The following KALRN variants were observed in gnomAD, a reference collection of about 807,000 sequenced individuals.
KALRN encodes the protein kalirin RhoGEF kinase, also known as kalirin.
In KALRN, 70 loss-of-function variants were observed where a neutral mutation model predicts 353.7. That is an observed-to-expected ratio of 0.20 (90% confidence interval 0.16 to 0.24). KALRN has a LOEUF of 0.24. Ranked by LOEUF, KALRN falls within the 10% of genes least tolerant of loss-of-function variation. The pLI is 1.00. For missense variants in KALRN, 2,791 were observed against 3,756.7 expected, an observed-to-expected ratio of 0.74 and a Z score of 6.72; for synonymous variants, 1,391 against 1,434.8, an observed-to-expected ratio of 0.97 and a Z score of 0.69.
chr3:124,380,689 C>T (rs939337119), intron 10 of KALRN, among the ~76,000 whole-genome samples: 17 of 152,182 alleles, frequency 1.1e-4, no homozygotes, highest in African/African-American at 3.9e-4. Context: ...TTGATTTGGT[C>T]AGAAAGTGAG....
At chr3:124,124,902 A>C (rs1300727192) in intron 1 of KALRN, among the ~76,000 whole-genome samples, 2 of 152,210 alleles carry the variant, frequency 1.3e-5, no homozygotes, top group Non-Finnish European at 2.9e-5. Flanking sequence ...GAAAACAAAA[A>C]ATTCATGTGA....
chr3:124,224,241 T>A (rs2078240286), intron 1 of KALRN, among the ~76,000 whole-genome samples: 1 of 151,326 alleles, frequency 6.6e-6, no homozygotes, highest in African/African-American at 2.4e-5. Flanking sequence ...TTTTTTTTTT[T>A]AGATGGAAAC....
At chr3:124,371,776 A>G (rs975929595) in intron 10 of KALRN, among the ~76,000 whole-genome samples, 1 of 152,212 alleles carries the variant, frequency 6.6e-6, no homozygotes, top group Non-Finnish European at 1.5e-5. Flanking sequence ...CCCCTCAAGC[A>G]TTTAGCCTCT....
chr3:124,637,398 C>G, intron 37 of KALRN, 95 bp downstream of exon 37: 6 of 879,902 alleles, frequency 6.8e-6, no homozygotes, highest in Non-Finnish European at 9.6e-6. Flanking sequence ...TGCACCTGTC[C>G]TCATTCTTCC....
At chr3:124,465,338 T>A (rs2060227841) in intron 25 of KALRN, among the ~76,000 whole-genome samples, 1 of 152,132 alleles carries the variant, frequency 6.6e-6, no homozygotes, top group South Asian at 2.1e-4. Context: ...CATAATCAGG[T>A]ACCTGGCACA....
At chr3:124,525,926 G>A (rs1017656522) in intron 33 of KALRN, among the ~76,000 whole-genome samples, 3 of 152,128 alleles carry the variant, frequency 2.0e-5, no homozygotes, top group African/African-American at 7.2e-5. Context: ...GAGGTGGAGG[G>A]GTGGGAGGGG....
At chr3:124,639,234 C>A (rs938678028) in intron 37 of KALRN, among the ~76,000 whole-genome samples, 2 of 70,864 alleles carry the variant, frequency 2.8e-5, no homozygotes, top group South Asian at 6.4e-4. Context: ...CAGGGTCCTA[C>A]TCAGATCTCC....
At chr3:124,323,645 T>C (rs2079574246) in intron 6 of KALRN, among the ~76,000 whole-genome samples, 1 of 152,178 alleles carries the variant, frequency 6.6e-6, no homozygotes, top group African/African-American at 2.4e-5. Context: ...GACAAAGGGC[T>C]GGGTGTCTAT....
intron 47 of KALRN, among the ~76,000 whole-genome samples, chr3:124,671,334 G>A (rs1055096846): frequency 3.3e-5 from 5 of 151,982 alleles, no homozygotes; most frequent in East Asian, 1.9e-4. Context: ...TCGCCAACAC[G>A]TCACACTTGC....
At position 124,085,833 on chromosome 3, in the gene KALRN, A is replaced by G. The variant is rs368717903; in HGVS notation, c.73+52020A>G. ...TCATTCTTCAGGGATAACTACTGTT[A>G]ATAGTTTGGTATATGTATATCCTAC... is the stretch of plus-strand genomic sequence containing the variant. On this transcript the variant is annotated intron_variant, in intron 1 of 59. Coordinates refer to ENST00000682506, the MANE Select transcript of KALRN (RefSeq NM_001388419.1). Among the ~76,000 whole-genome samples the G allele has an allele frequency of 4.0e-4, 61 of 152,366 alleles. No homozygotes were observed. The South Asian group carries it at 0.012, about 29-fold the overall frequency.
chr3:124,324,492 A>G (rs1320043451), intron 6 of KALRN, among the ~76,000 whole-genome samples: 1 of 152,198 alleles, frequency 6.6e-6, no homozygotes, highest in Non-Finnish European at 1.5e-5. Flanking sequence ...TACATCTTTG[A>G]GGGATAGTTA....
chr3:124,150,748 A>G (rs1357162909), intron 1 of KALRN, among the ~76,000 whole-genome samples: 1 of 152,208 alleles, frequency 6.6e-6, no homozygotes, highest in Non-Finnish European at 1.5e-5. Flanking sequence ...AGAGTGCACA[A>G]ATTCTAAGTG....
At chr3:124,671,066 G>A (rs1239406391) in intron 47 of KALRN, among the ~76,000 whole-genome samples, 8 of 152,138 alleles carry the variant, frequency 5.3e-5, no homozygotes, top group Admixed American at 5.2e-4. Flanking sequence ...TAGACAAGAA[G>A]CCTTCTGTCT....
intron 33 of KALRN, among the ~76,000 whole-genome samples, chr3:124,515,728 G>T (rs913470990): frequency 6.6e-6 from 1 of 152,146 alleles, no homozygotes; most frequent in African/African-American, 2.4e-5. Flanking sequence ...AAATTTAATG[G>T]TCTCTTTTTC....
intron 36 of KALRN, 139 bp from the exon 37 acceptor site, chr3:124,637,069 C>G: frequency 2.9e-6 from 2 of 698,192 alleles, no homozygotes; most frequent in Non-Finnish European, 5.1e-6. Flanking sequence ...ACTCTTCTCC[C>G]TCTGTCACCT....
At chr3:124,384,811 C>T (rs1247562502) in intron 10 of KALRN, 34 bp from the exon 11 acceptor site, 1 of 1,545,022 alleles carries the variant, frequency 6.5e-7, no homozygotes, top group Admixed American at 1.8e-5. Flanking sequence ...GGCGCGACTG[C>T]AACTTGACTT....
At chr3:124,434,712 T>C (rs2093402640) in intron 17 of KALRN, among the ~76,000 whole-genome samples, 187 bp downstream of exon 17, 1 of 152,242 alleles carries the variant, frequency 6.6e-6, no homozygotes, top group African/African-American at 2.4e-5. Flanking sequence ...AGCACTGGAC[T>C]ATGGGGTTTG....
At chr3:124,556,546 A>G (rs761280856) in intron 33 of KALRN, among the ~76,000 whole-genome samples, 38 of 152,234 alleles carry the variant, frequency 2.5e-4, no homozygotes, top group Non-Finnish European at 3.7e-4. Flanking sequence ...CAGCTATACT[A>G]AAGCATCATC....
At chr3:124,196,725 A>G (rs2075476136) in intron 1 of KALRN, among the ~76,000 whole-genome samples, 1 of 152,158 alleles carries the variant, frequency 6.6e-6, no homozygotes, top group African/African-American at 2.4e-5. Context: ...ACATCTTTCA[A>G]TGTTGTTACA....
Sources: gnomAD v4.1 joint callset for allele counts (sites outside exome capture counted in the v4.1 genomes callset) on GRCh38, gnomAD v4.1.1 for gene constraint, MANE v1.5 for transcripts, NCBI Gene and HGNC (gene_info 2026-07-23, HGNC 2026-07-21) for gene names.